Variants in COPG2 observed in about 807,000 individuals in gnomAD.
COPG2 encodes coat protein complex I subunit gamma 2, also known as coatomer subunit gamma-2.
COPG2 carries 37 observed loss-of-function variants against 46.3 expected under a neutral mutation model. The ratio of observed to expected loss-of-function variants is 0.80; its 90% confidence interval spans 0.61 to 1.05. COPG2 has a LOEUF of 1.05. Ranked by LOEUF, COPG2 falls within the 50% of genes least tolerant of loss-of-function variation. The probability of loss-of-function intolerance (pLI) is 0.00; values close to 1 mark genes in which losing one functional copy is unlikely to be tolerated. For synonymous variants in COPG2, 159 were observed against 129.7 expected (o/e 1.23, Z -1.53); for missense variants, 427 against 387.8 (o/e 1.10, Z -0.85).
intron 20 of COPG2, among the ~76,000 whole-genome samples, chr7:130,522,260 T>A (rs1167439359): frequency 6.6e-6 from 1 of 151,926 alleles, no homozygotes; most frequent in Admixed American, 6.5e-5. Context: ...TCCTGAATAA[T>A]AATGAAAAGA....
intron 9 of COPG2, among the ~76,000 whole-genome samples, chr7:130,574,933 T>G (rs1487437243): frequency 6.6e-6 from 1 of 151,870 alleles, no homozygotes; most frequent in Non-Finnish European, 1.5e-5. Context: ...AGCAATAGAA[T>G]TGAACAAGTA....
At chr7:130,518,614 AG>A (rs1279370863) in intron 20 of COPG2, among the ~76,000 whole-genome samples, 1 of 152,230 alleles carries the variant, frequency 6.6e-6, no homozygotes, top group East Asian at 1.9e-4. Context: ...AAAGGAAATT[AG>A]GAAGAACTTG....
Position 130,531,733 on chromosome 7 carries a change from C to G in COPG2, c.2149+15941G>C, listed in dbSNP as rs1036602591. 5.0e-4 allele frequency among the ~76,000 whole-genome samples: 76 copies of G among 151,718 alleles called. 1 individual carries two copies. Among genetic ancestry groups the G allele is most frequent in the African/African-American group, 1.7e-3 (72 of 41,344 alleles). ...ATTTGATTAAGAAGTTAAAGGAAAGCACTAGAATGCTCCAGGCCTGAAACT... is the reference window on the plus strand; with the variant it reads ...ATTTGATTAAGAAGTTAAAGGAAAGGACTAGAATGCTCCAGGCCTGAAACT... On this transcript the variant is annotated intron_variant, in intron 20 of 23. Transcript: ENST00000425248.
At chr7:130,524,563 T>C (rs1799756352) in intron 20 of COPG2, among the ~76,000 whole-genome samples, 3 of 151,808 alleles carry the variant, frequency 2.0e-5, no homozygotes, top group African/African-American at 7.3e-5. Context: ...GGAGAGCCTG[T>C]TGAGAGCAGG....
intron 11 of COPG2, among the ~76,000 whole-genome samples, chr7:130,562,079 C>T (rs1456854083): frequency 1.3e-5 from 2 of 152,110 alleles, no homozygotes; most frequent in Non-Finnish European, 2.9e-5. Context: ...ACAATTTAGG[C>T]CAGGCTTGGT....
intron 9 of COPG2, among the ~76,000 whole-genome samples, chr7:130,580,162 A>G (rs1278075800): frequency 5.3e-5 from 8 of 152,224 alleles, no homozygotes; most frequent in Non-Finnish European, 8.8e-5. Context: ...ACCACAGTGC[A>G]ATCAAACTAG....
At chr7:130,621,575 A>T (rs1394651469) in intron 5 of COPG2, among the ~76,000 whole-genome samples, 1 of 152,088 alleles carries the variant, frequency 6.6e-6, no homozygotes, top group Non-Finnish European at 1.5e-5. Flanking sequence ...TTGGGAGGCC[A>T]AGGCGGGTGG....
At chr7:130,644,074 T>C (rs1795545847) in intron 5 of COPG2, among the ~76,000 whole-genome samples, 1 of 152,228 alleles carries the variant, frequency 6.6e-6, no homozygotes, top group Admixed American at 6.5e-5. Context: ...TCCGATTCTA[T>C]TACTTAGAAT....
At chr7:130,549,405 G>A (rs1181479610) in intron 17 of COPG2, 29 bp from the exon 18 acceptor site, 3 of 398,386 alleles carry the variant, frequency 7.5e-6, no homozygotes, top group Non-Finnish European at 8.8e-6. Context: ...GCAAGTAAGT[G>A]AACTTCTCCC....
At chr7:130,596,910 A>G (rs782707101) in intron 9 of COPG2, among the ~76,000 whole-genome samples, 2 of 152,242 alleles carry the variant, frequency 1.3e-5, no homozygotes, top group Non-Finnish European at 2.9e-5. Context: ...AATGGGGTGC[A>G]ATGGCCAGAG....
intron 20 of COPG2, chr7:130,511,470 C>A: frequency 1.9e-6 from 1 of 519,836 alleles, no homozygotes; most frequent in Non-Finnish European, 3.8e-6. Context: ...CGTGTTGAGT[C>A]TGTGGGAATG....
At position 130,661,236 on chromosome 7, in the gene COPG2, C is replaced by G. The variant is rs372932813; in HGVS notation, c.243+1731G>C. ...CAGGCTTCAAAAGTTTGTCCTCATC[C>G]TTTTTCTTTCTTACTCTGCTTCCTT... On this transcript the variant is annotated intron_variant, in intron 4 of 23. Transcript: ENST00000425248. Among the ~76,000 whole-genome samples, 21 of 152,282 alleles carry G rather than the reference C, an allele frequency of 1.4e-4. No individual in the cohort carries two copies. The East Asian group carries it at 2.7e-3, about 20-fold the overall frequency.
chr7:130,599,836 T>C (rs919722460), intron 9 of COPG2, among the ~76,000 whole-genome samples: 1 of 152,198 alleles, frequency 6.6e-6, no homozygotes, highest in Non-Finnish European at 1.5e-5. Context: ...TACAAAGAAA[T>C]GTGCTACTTC....
intron 5 of COPG2, among the ~76,000 whole-genome samples, chr7:130,623,210 G>A (rs186619019): frequency 6.6e-6 from 1 of 152,264 alleles, no homozygotes; most frequent in African/African-American, 2.4e-5. Flanking sequence ...TGAGTTAAAT[G>A]CTTCTGTCTT....
intron 9 of COPG2, among the ~76,000 whole-genome samples, chr7:130,589,274 AG>A (rs1794350479): frequency 1.3e-5 from 2 of 151,656 alleles, no homozygotes; most frequent in Admixed American, 1.3e-4. Context: ...AACACTGTAC[AG>A]GTTTACTTTT....
At chr7:130,515,866 G>A (rs1421702747) in intron 20 of COPG2, among the ~76,000 whole-genome samples, 1 of 152,024 alleles carries the variant, frequency 6.6e-6, no homozygotes, top group Admixed American at 6.5e-5. Context: ...AACTCTGGTA[G>A]AGTGATTTTA....
Position 130,564,393 on chromosome 7 carries a change from G to A in COPG2, c.738C>T (p.Gly246=). ...ASRLLKETED[G]HESPLFDFIE... ...TGAAATCAAACAGTGGACTTTCATGGCTGCCAATAAATATTTATAGGCCAT... is the reference window on the plus strand; with the variant it reads ...TGAAATCAAACAGTGGACTTTCATGACTGCCAATAAATATTTATAGGCCAT... Residue 246 remains glycine, a splice_region_variant and synonymous_variant, in exon 10 of 24, where the codon GGC becomes GGT. Transcript: ENST00000425248. The A allele has an allele frequency of 2.5e-6, 1 of 398,510 alleles. No homozygotes were observed. The allele number at this position is 398,510 out of a possible 1,614,324, so 24.7% of individuals were successfully genotyped here.
intron 9 of COPG2, among the ~76,000 whole-genome samples, chr7:130,591,113 G>A (rs1406082104): frequency 8.6e-5 from 10 of 115,938 alleles, no homozygotes; most frequent in East Asian, 3.4e-4. Context: ...CCCCCCGCCC[G>A]GCCAGCTGCC....
intron 5 of COPG2, among the ~76,000 whole-genome samples, chr7:130,629,804 A>G (rs1195724565): frequency 6.6e-6 from 1 of 152,116 alleles, no homozygotes; most frequent in Non-Finnish European, 1.5e-5. Flanking sequence ...TTATAGACCT[A>G]TCTTCAGGTA....
Sources: gnomAD v4.1 joint callset for allele counts (sites outside exome capture counted in the v4.1 genomes callset) on GRCh38, gnomAD v4.1.1 for gene constraint, MANE v1.5 for transcripts, NCBI Gene and HGNC (gene_info 2026-07-23, HGNC 2026-07-21) for gene names.